GFY: variants seen among roughly 807,000 people sequenced by gnomAD.
The protein encoded by GFY is golgi associated olfactory signaling regulator.
In GFY, 28 loss-of-function variants were observed where a neutral mutation model predicts 29.1. The ratio of observed to expected loss-of-function variants is 0.96; its 90% CI spans 0.71 to 1.32. GFY has a LOEUF of 1.32. Among genes scored for constraint, GFY ranks in the 40% most tolerant of loss-of-function variants. The pLI, the probability that GFY is intolerant of heterozygous loss-of-function variation, is 0.00. For synonymous variants in GFY, 277 were observed against 274.5 expected (o/e 1.01, Z -0.09); for missense variants, 656 against 661.9 (o/e 0.99, Z 0.10).
In GFY at chr19:49,426,426, G is replaced by C. The variant is rs111654240; in HGVS notation, c.-5G>C. 4.3e-4 allele frequency: 653 copies of C among 1,530,462 alleles called. No individual in the cohort carries two copies. The African/African-American group carries it at 7.3e-3, about 17-fold the overall frequency. 94.8% of individuals were successfully genotyped at this position (1,530,462 alleles called of 1,614,324 possible). A position where few individuals can be genotyped will look rare whatever the true frequency, so the allele number is the denominator to read the frequency against. On this transcript the variant is annotated 5_prime_UTR_variant, in exon 2 of 4. Transcript: ENST00000610896. ...CCCCCGCAGCTATAGGTATCTGCCA[G>C]AGCTATGAAATCATTCAGCCGGATC...
chr19:49,428,235 G>A, intron 3 of GFY, 116 bp downstream of exon 3: 4 of 1,265,678 alleles, frequency 3.2e-6, no homozygotes, highest in Non-Finnish European at 3.2e-6. Flanking sequence ...GAAAGCCCTG[G>A]CTCTTCCATG....
chr19:49,428,696 G>A lies in GFY; in HGVS notation c.1435G>A (p.Ala479Thr). The change falls in exon 4 of 4, where the codon GCC becomes ACC. Residue 479 changes from alanine to threonine, a missense_variant. Coordinates refer to ENST00000610896, the MANE Select transcript of GFY (RefSeq NM_001195256.2). The stretch of plus-strand genomic sequence containing the variant: ...GGATACCTGGGTCCCTTCCCACATC[G>A]CCACCAAGCAGCCCCCGCCCACACC... Reference protein sequence around the residue: ...APDTWVPSHIATKQPPPTPPL... With the variant: ...APDTWVPSHITTKQPPPTPPL... 1 of 1,529,946 alleles carries A rather than the reference G, an allele frequency of 6.5e-7. No individual in the cohort carries two copies. 94.8% of individuals were successfully genotyped at this position (1,529,946 alleles called of 1,614,324 possible). A position where few individuals can be genotyped will look rare whatever the true frequency, so the allele number is the denominator to read the frequency against.
rs1190503343 is a variant in GFY, at chr19:49,426,765, C to T, written c.335C>T (p.Thr112Ile). The change falls in exon 2 of 4, where the codon ACC (threonine) becomes ATC (isoleucine). Residue 112 changes from threonine to isoleucine, a missense_variant. Physicochemically the swap from Thr to Ile is moderately conservative, Grantham distance 89. Transcript: ENST00000610896. ...ACCCCCAAAGCTGACTCACTCACAA[C>T]CTCAATATCAGAATCCCTGGACATG... is the stretch of plus-strand genomic sequence containing the variant. ...PETPKADSLT[T>I]SISESLDMPK... is the part of the protein sequence containing the mutation. 6 of 1,535,720 alleles carry T rather than the reference C, an allele frequency of 3.9e-6. No individual in the cohort carries two copies. The highest frequency in any genetic ancestry group is 2.4e-5 in the East Asian group (1 of 40,892).
rs542063826 is a variant in GFY at position 49,426,148 on chromosome 19, C to G, written c.-21-262C>G. Among the ~76,000 whole-genome samples the G allele has an allele frequency of 3.3e-5, 5 of 152,328 alleles. No homozygotes were observed. In the East Asian group the frequency reaches 5.8e-4, roughly 18 times the overall value. The stretch of plus-strand genomic sequence containing the variant: ...GAAGTGTCGTTCTTTCCCAATTTTT[C>G]TAGGACCCCTCGCTGAAACAGATAA... On this transcript the variant is annotated intron_variant, in intron 1 of 3. Transcript: ENST00000610896.
At chr19:49,428,149 C>T (rs2078941767) in intron 3 of GFY, 30 bp downstream of exon 3, 1 of 1,517,890 alleles carries the variant, frequency 6.6e-7, no homozygotes, top group Non-Finnish European at 8.8e-7. Context: ...AATGCCTGCA[C>T]TTTTCCATAA....
chr19:49,425,625 AAC>A (rs1262852192), intron 1 of GFY, 136 bp downstream of exon 1: 1 of 152,266 alleles, frequency 6.6e-6, no homozygotes, highest in Non-Finnish European at 1.5e-5. Context: ...CATCTTCAAT[AAC>A]AGACTTGAGA....
chr19:49,427,430 G>A lies in GFY; in HGVS notation c.1000G>A (p.Ala334Thr). The A allele has an allele frequency of 2.0e-6, 3 of 1,535,476 alleles. No individual in the cohort carries two copies. The highest frequency in any genetic ancestry group is 1.4e-5 in the African/African-American group (1 of 73,146). The stretch of plus-strand genomic sequence containing the variant: ...TTCTCCAGGAATGGTTGAGCTGAAG[G>A]CCCCCCAGAACTCTGGCCCTAAGGA... ...SDSPGMVELKAPQNSGPKESN... is the reference protein window; with the variant it reads ...SDSPGMVELKTPQNSGPKESN... Residue 334 changes from alanine (A) to threonine (T), a missense_variant, in exon 2 of 4, where the codon GCC becomes ACC. By Grantham distance (58) the Ala-to-Thr change is moderately conservative. Transcript: ENST00000610896.
upstream of GFY, among the ~76,000 whole-genome samples, chr19:49,425,236 G>A (rs980873574): frequency 2.6e-5 from 4 of 151,778 alleles, no homozygotes; most frequent in Non-Finnish European, 4.4e-5. Flanking sequence ...AAATAATTTG[G>A]GCCACATCTC....
Position 49,428,796 on chromosome 19 carries a change from C to T in GFY, c.1535C>T (p.Thr512Met), listed in dbSNP as rs145602134. Residue 512 changes from threonine (T) to methionine (M), a missense_variant, in exon 4 of 4, where the codon ACG (threonine) becomes ATG (methionine). By Grantham distance (81) the Thr-to-Met change is moderately conservative. Transcript: ENST00000610896. ...PQRLEALSPA[T>M]LPNNFV ...CGTCTGGAGGCCCTGTCCCCCGCCA[C>T]GCTCCCCAACAACTTCGTGTGAGCC... 0.026 allele frequency: 38,061 copies of T among 1,463,854 alleles called. 1,026 individuals are homozygous for T. The highest frequency in any genetic ancestry group is 0.12 in the South Asian group (9,150 of 74,638). The allele number at this position is 1,463,854 out of a possible 1,614,324, so 90.7% of individuals were successfully genotyped here.
rs144253305 is a variant in GFY, at chr19:49,426,936, C to T, written c.506C>T (p.Pro169Leu). 8.1e-4 allele frequency: 1,243 copies of T among 1,535,956 alleles called. 1 individual carries two copies. The highest frequency in any genetic ancestry group is 1.0e-3 in the Non-Finnish European group (1,195 of 1,146,878). Residue 169 changes from proline to leucine, a missense_variant, in exon 2 of 4, where the codon CCA becomes CTA. Pro to Leu is a moderately conservative substitution (Grantham distance 98, BLOSUM62 -3). Coordinates refer to ENST00000610896, the MANE Select transcript of GFY (RefSeq NM_001195256.2). ...KTSRPEFPET[P>L]NTDLMQTTPQ... is the part of the protein sequence containing the mutation. ...TCACGCCCAGAATTTCCTGAGACCC[C>T]AAACACTGACCTTATGCAAACTACA...
In GFY at chr19:49,427,539, T is replaced by C. The variant is rs2122282482; in HGVS notation, c.1109T>C (p.Leu370Pro). 2 of 1,517,566 alleles carry C rather than the reference T, an allele frequency of 1.3e-6. No homozygotes were observed. The highest frequency in any genetic ancestry group is 4.9e-5 in the East Asian group (2 of 40,898). 94.0% of individuals were successfully genotyped at this position (1,517,566 alleles called of 1,614,324 possible). ...GRPSQLAPAT[L>P]RAPQRHSRGE... The stretch of plus-strand genomic sequence containing the variant: ...CCCAGTCAGTTGGCCCCTGCCACTC[T>C]GCGGGCACCCCAGAGGCACAGCCGA... The change falls in exon 2 of 4, where the codon CTG (leucine) becomes CCG (proline). Residue 370 changes from leucine (L) to proline (P), a missense_variant. Transcript: ENST00000610896.
rs2078944513 is a variant in GFY at position 49,428,656 on chromosome 19, C to T, written c.1395C>T (p.Leu465=). Residue 465 remains leucine (L), a synonymous_variant, in exon 4 of 4, where the codon CTC becomes CTT. Transcript: ENST00000610896. The stretch of plus-strand genomic sequence containing the variant: ...ACGCCCCGAAAGACCCCTACGACCT[C>T]TACTTTTATGCTCCGGATACCTGGG... ...HLDAPKDPYD[L]YFYAPDTWVP... The T allele has an allele frequency of 6.6e-7, 1 of 1,526,228 alleles. No homozygotes were observed. Among genetic ancestry groups the T allele is most frequent in the Non-Finnish European group, 8.8e-7 (1 of 1,141,578 alleles). The allele number at this position is 1,526,228 out of a possible 1,614,324, so 94.5% of individuals were successfully genotyped here.
Position 49,427,385 on chromosome 19 carries a change from C to G in GFY, c.955C>G (p.Pro319Ala). Residue 319 changes from proline to alanine, a missense_variant, in exon 2 of 4, where the codon CCA becomes GCA. By Grantham distance (27) the Pro-to-Ala change is conservative. Transcript: ENST00000610896. Reference sequence around the variant, plus strand: ...ACCTGCAGCCATCCAGCCCGACTCCCCAAAATTGCCCACTTCAGATTCTCC... The same window carrying G: ...ACCTGCAGCCATCCAGCCCGACTCCGCAAAATTGCCCACTTCAGATTCTCC... ...GTPAAIQPDSPKLPTSDSPGM... is the reference protein window; with the variant it reads ...GTPAAIQPDSAKLPTSDSPGM... 1 of 1,536,096 alleles carries G rather than the reference C, an allele frequency of 6.5e-7. No homozygotes were observed. The highest frequency in any genetic ancestry group is 8.7e-7 in the Non-Finnish European group (1 of 1,146,840).
upstream of GFY, among the ~76,000 whole-genome samples, chr19:49,424,389 C>T (rs1354623359): frequency 6.6e-6 from 1 of 152,118 alleles, no homozygotes; most frequent in African/African-American, 2.4e-5. Flanking sequence ...ATTACAGGTG[C>T]CCACCATCAC....
rs1600978100 is a variant in GFY at position 49,427,148 on chromosome 19, A to C, written c.718A>C (p.Thr240Pro). The change falls in exon 2 of 4, where the codon ACC (threonine) becomes CCC (proline). Residue 240 changes from threonine to proline, a missense_variant. Thr to Pro is a conservative substitution (Grantham distance 38, BLOSUM62 -1). Coordinates refer to ENST00000610896, the MANE Select transcript of GFY (RefSeq NM_001195256.2). ...AGCTCTCCATCCTGACCCTTCTAAA[A>C]CCCCCCACCCAGAATCCCATGTGAC... ...LQALHPDPSK[T>P]PHPESHVTHN... 5.2e-6 allele frequency: 8 copies of C among 1,534,732 alleles called. No homozygotes were observed. Among genetic ancestry groups the C allele is most frequent in the Non-Finnish European group, 7.0e-6 (8 of 1,146,602 alleles).
intron 3 of GFY, 132 bp downstream of exon 3, chr19:49,428,251 G>A (rs1276944004): frequency 8.6e-6 from 10 of 1,156,896 alleles, no homozygotes; most frequent in African/African-American, 1.5e-5. Flanking sequence ...CCATGGCAAC[G>A]TCCAGCCCCC....
rs955236482 is a variant in GFY at position 49,427,550 on chromosome 19, C to T, written c.1120C>T (p.Gln374Ter). Reference protein sequence around the residue: ...QLAPATLRAPQRHSRGEGVNT... With the variant: ...QLAPATLRAP ...GGCCCCTGCCACTCTGCGGGCACCC[C>T]AGAGGCACAGCCGAGGTGAGGGAGT... Residue 374 changes from glutamine (Q) to a stop codon, truncating the protein, a stop_gained, in exon 2 of 4, where the codon CAG becomes TAG. Transcript: ENST00000610896. LOFTEE classifies it high-confidence loss of function. The T allele has an allele frequency of 6.6e-7, 1 of 1,508,866 alleles. No individual in the cohort carries two copies. The highest frequency in any genetic ancestry group is 1.4e-5 in the African/African-American group (1 of 71,682). The allele number at this position is 1,508,866 out of a possible 1,614,324, so 93.5% of individuals were successfully genotyped here.
chr19:49,427,675 TCCGAGGGAGGAGGGG>T (rs1975093015), intron 2 of GFY, 62 bp downstream of exon 2: 10 of 1,346,820 alleles, frequency 7.4e-6, no homozygotes, highest in Non-Finnish European at 9.7e-6. Flanking sequence ...GACTCCTGGG[TCCGAGGGAGGAGGGG>T]CTGGGGGCCT....
rs1342900837 is a variant in GFY at position 49,428,135 on chromosome 19, C to CT, written c.1357+18dup. 6.6e-7 allele frequency: 1 copy of CT among 1,524,012 alleles called. No individual in the cohort carries two copies. The highest frequency in any genetic ancestry group is 8.8e-7 in the Non-Finnish European group (1 of 1,136,912). The allele number at this position is 1,524,012 out of a possible 1,614,324, so 94.4% of individuals were successfully genotyped here. A position where few individuals can be genotyped will look rare whatever the true frequency, so the allele number is the denominator to read the frequency against. ...GATGAACCGGGTGAGCGCCCTGCCCCTTGAATGCCTGCACTTTTCCATAAC... is the reference window on the plus strand; with the variant it reads ...GATGAACCGGGTGAGCGCCCTGCCCCTTTGAATGCCTGCACTTTTCCATAAC... On this transcript the variant is annotated intron_variant, in intron 3 of 3. Coordinates refer to ENST00000610896, the MANE Select transcript of GFY (RefSeq NM_001195256.2).
Sources: gnomAD v4.1 joint callset for allele counts (sites outside exome capture counted in the v4.1 genomes callset) on GRCh38, gnomAD v4.1.1 for gene constraint, MANE v1.5 for transcripts, NCBI Gene and HGNC (gene_info 2026-07-23, HGNC 2026-07-21) for gene names.